The following CSMD1 variants were observed in gnomAD, a reference collection of about 807,000 sequenced individuals.
CSMD1 encodes CUB and sushi domain-containing protein 1.
In CSMD1, 213 loss-of-function variants were observed where a neutral mutation model predicts 417.5. The ratio of observed to expected loss-of-function variants is 0.51; its 90% confidence interval spans 0.46 to 0.57. The LOEUF (loss-of-function observed/expected upper bound fraction) is 0.57, where lower values mean the gene tolerates loss of function less well. CSMD1 is among the 20% of genes least tolerant of loss of function. The pLI is 0.00. For synonymous variants in CSMD1, 2,862 were observed against 1,736.8 expected, an observed-to-expected ratio of 1.65 and a Z score of -16.11; for missense variants, 6,923 against 4,529.7, an observed-to-expected ratio of 1.53 and a Z score of -15.17.
intron 3 of CSMD1, among the ~76,000 whole-genome samples, chr8:4,294,182 A>G (rs1797538164): frequency 6.6e-6 from 1 of 152,196 alleles, no homozygotes; most frequent in Admixed American, 6.6e-5. Context: ...ATCAGCAGCA[A>G]CTACACCCCA....
intron 5 of CSMD1, among the ~76,000 whole-genome samples, chr8:3,846,576 G>C (rs532481133): frequency 5.9e-5 from 9 of 152,152 alleles, no homozygotes; most frequent in Admixed American, 1.3e-4. Flanking sequence ...TTTAGATTAA[G>C]TTGACATTTA....
At chr8:4,509,461 G>C (rs749899444) in intron 2 of CSMD1, among the ~76,000 whole-genome samples, 6 of 152,162 alleles carry the variant, frequency 3.9e-5, no homozygotes, top group Non-Finnish European at 7.3e-5. Context: ...GTTCCAGCAA[G>C]AGCAGTAAAC....
intron 49 of CSMD1, among the ~76,000 whole-genome samples, chr8:3,067,399 C>T (rs1231315282): frequency 1.3e-5 from 2 of 152,208 alleles, no homozygotes; most frequent in Middle Eastern, 3.4e-3. Context: ...CTTGCAGGCT[C>T]ATGCTTCTTT....
At chr8:4,888,666 C>T (rs1031780541) in intron 1 of CSMD1, among the ~76,000 whole-genome samples, 1 of 152,050 alleles carries the variant, frequency 6.6e-6, no homozygotes, top group African/African-American at 2.4e-5. Context: ...CATTTGCCAA[C>T]AAAAGAAACC....
intron 3 of CSMD1, among the ~76,000 whole-genome samples, chr8:4,096,574 G>T (rs565847479): frequency 1.2e-3 from 183 of 149,834 alleles, no homozygotes; most frequent in African/African-American, 4.4e-3. Flanking sequence ...ACGCCACTAA[G>T]GATACCTTTT....
intron 3 of CSMD1, among the ~76,000 whole-genome samples, chr8:4,152,443 G>C (rs931381748): frequency 6.6e-6 from 1 of 151,926 alleles, no homozygotes; most frequent in African/African-American, 2.4e-5. Context: ...ATTTGGCCAA[G>C]GCAAGTGGCT....
chr8:3,034,747 G>C (rs1324909859), intron 50 of CSMD1, among the ~76,000 whole-genome samples: 1 of 152,124 alleles, frequency 6.6e-6, no homozygotes, highest in Non-Finnish European at 1.5e-5. Context: ...AGTGAAAAGA[G>C]AGTAAAAATA....
chr8:3,991,779 T>C (rs372801010), intron 5 of CSMD1, among the ~76,000 whole-genome samples: 1 of 152,274 alleles, frequency 6.6e-6, no homozygotes, highest in African/African-American at 2.4e-5. Flanking sequence ...GAGGAGGAAA[T>C]ATACCTTGGG....
chr8:3,464,096 A>C (rs1323470497), intron 12 of CSMD1, among the ~76,000 whole-genome samples: 2 of 152,232 alleles, frequency 1.3e-5, no homozygotes, highest in South Asian at 4.1e-4. Context: ...ACATCACAGG[A>C]AACAGTTCCT....
At chr8:3,898,686 T>C (rs1159669399) in intron 5 of CSMD1, among the ~76,000 whole-genome samples, 1 of 152,214 alleles carries the variant, frequency 6.6e-6, no homozygotes, top group Admixed American at 6.5e-5. Flanking sequence ...TGTTTCTCAT[T>C]CAGAGTTCAG....
At position 4,955,975 on chromosome 8, in the gene CSMD1, G is replaced by A. The variant is rs111660666; in HGVS notation, c.85+38357C>T. Among the ~76,000 whole-genome samples, 7 of 152,358 alleles carry A rather than the reference G, an allele frequency of 4.6e-5. No individual in the cohort carries two copies. The East Asian group carries it at 1.3e-3, about 29-fold the overall frequency. ...TTTGAGAAACGCTGTGCTGCGTTCT[G>A]TGATTTTCAGTATCTGAAGGATTCT... is the stretch of plus-strand genomic sequence containing the variant. On this transcript the variant is annotated intron_variant, in intron 1 of 69. Transcript: ENST00000635120.
intron 5 of CSMD1, among the ~76,000 whole-genome samples, chr8:3,868,454 C>G (rs1024274681): frequency 6.6e-6 from 1 of 152,152 alleles, no homozygotes; most frequent in African/African-American, 2.4e-5. Flanking sequence ...CCCATGCCAC[C>G]TGCATCAGCC....
At chr8:3,806,662 G>A (rs1383070935) in intron 5 of CSMD1, among the ~76,000 whole-genome samples, 1 of 152,200 alleles carries the variant, frequency 6.6e-6, no homozygotes, top group East Asian at 1.9e-4. Flanking sequence ...AATGCGTTGA[G>A]CACTTGAATA....
chr8:4,176,876 C>T (rs1798076421), intron 3 of CSMD1, among the ~76,000 whole-genome samples: 1 of 148,080 alleles, frequency 6.8e-6, no homozygotes, highest in South Asian at 2.2e-4. Flanking sequence ...ACAAGAAGAG[C>T]TAACTATCCT....
chr8:3,476,611 A>C (rs954788773), intron 11 of CSMD1, among the ~76,000 whole-genome samples: 1 of 152,086 alleles, frequency 6.6e-6, no homozygotes, highest in Admixed American at 6.6e-5. Flanking sequence ...CACACCCCAA[A>C]ATTACAAGGA....
intron 60 of CSMD1, among the ~76,000 whole-genome samples, 185 bp from the exon 61 acceptor site, chr8:2,962,824 G>A (rs1026557050): frequency 2.6e-5 from 4 of 152,190 alleles, no homozygotes; most frequent in African/African-American, 7.2e-5. Flanking sequence ...AGAGGCAGGC[G>A]GATCGCTTGA....
chr8:4,595,157 G>A (rs918863244), intron 2 of CSMD1, among the ~76,000 whole-genome samples: 1 of 152,036 alleles, frequency 6.6e-6, no homozygotes, highest in Non-Finnish European at 1.5e-5. Flanking sequence ...GTTTTTCACA[G>A]TGAAAGAGTG....
At chr8:3,762,480 CTG>C (rs1158071308) in intron 5 of CSMD1, among the ~76,000 whole-genome samples, 18 of 152,334 alleles carry the variant, frequency 1.2e-4, no homozygotes, top group Admixed American at 1.0e-3. Context: ...AGGCACATGG[CTG>C]TGCTTTGGTC....
chr8:4,834,977 A>AAAAAAAAGAAAGAAAG (rs1385745588), intron 1 of CSMD1, among the ~76,000 whole-genome samples: 1 of 32,238 alleles, frequency 3.1e-5, no homozygotes, highest in African/African-American at 5.3e-5. Flanking sequence ...AAAAAAAAAA[A>AAAAAAAAGAAAGAAAG]AAAGAAAGAA....
Sources: gnomAD v4.1 joint callset for allele counts (sites outside exome capture counted in the v4.1 genomes callset) on GRCh38, gnomAD v4.1.1 for gene constraint, MANE v1.5 for transcripts, NCBI Gene and HGNC (gene_info 2026-07-23, HGNC 2026-07-21) for gene names.